The following ATXN1 variants were observed in gnomAD, a reference collection of about 807,000 sequenced individuals.
ATXN1 encodes the protein ataxin-1.
ATXN1 carries 8 observed loss-of-function variants against 56.4 expected under a neutral mutation model. The ratio of observed to expected loss-of-function variants is 0.14; its 90% CI spans 0.08 to 0.26. The LOEUF (loss-of-function observed/expected upper bound fraction) is 0.26. ATXN1 is among the 10% of genes least tolerant of loss of function. ATXN1 has a pLI of 1.00. For missense variants in ATXN1, 987 were observed against 1,106.5 expected (o/e 0.89, Z 1.53); for synonymous variants, 514 against 494.6 (o/e 1.04, Z -0.52).
chr6:16,617,938 C>T (rs774069770), intron 3 of ATXN1, among the ~76,000 whole-genome samples: 2 of 151,318 alleles, frequency 1.3e-5, no homozygotes, highest in African/African-American at 4.9e-5. Context: ...TGTCTAAGAT[C>T]GCACATCAAA....
At chr6:16,637,764 C>T (rs748104056) in intron 3 of ATXN1, among the ~76,000 whole-genome samples, 5 of 152,180 alleles carry the variant, frequency 3.3e-5, no homozygotes, top group East Asian at 1.9e-4. Flanking sequence ...ACTACAGCTA[C>T]GCCAGGCAAA....
chr6:16,549,005 G>A (rs1761866815), intron 4 of ATXN1, among the ~76,000 whole-genome samples: 1 of 152,082 alleles, frequency 6.6e-6, no homozygotes, highest in Admixed American at 6.6e-5. Context: ...ACAGGGTCAG[G>A]ATCATTCATA....
intron 2 of ATXN1, among the ~76,000 whole-genome samples, chr6:16,723,197 T>C (rs550063329): frequency 6.6e-6 from 1 of 151,788 alleles, no homozygotes; most frequent in African/African-American, 2.4e-5. Context: ...CTATTTACTT[T>C]TCAGTGGGAG....
chr6:16,662,410 G>A (rs1758338381), intron 2 of ATXN1, among the ~76,000 whole-genome samples: 1 of 151,984 alleles, frequency 6.6e-6, no homozygotes, highest in African/African-American at 2.4e-5. Context: ...TCAGCTCACT[G>A]CAACCTCTGC....
At chr6:16,535,823 C>T (rs551757963) in intron 4 of ATXN1, among the ~76,000 whole-genome samples, 2 of 152,298 alleles carry the variant, frequency 1.3e-5, no homozygotes, top group African/African-American at 4.8e-5. Flanking sequence ...TCAAGATCAA[C>T]AGCCCATGAT....
intron 4 of ATXN1, among the ~76,000 whole-genome samples, chr6:16,581,149 T>G (rs1278691637): frequency 6.6e-6 from 1 of 151,574 alleles, no homozygotes; most frequent in African/African-American, 2.4e-5. Context: ...CGGGGTGGGT[T>G]ACATACGGTG....
chr6:16,756,238 T>A (rs1760882924), intron 1 of ATXN1, among the ~76,000 whole-genome samples: 1 of 152,096 alleles, frequency 6.6e-6, no homozygotes, highest in Non-Finnish European at 1.5e-5. Flanking sequence ...TATATATTTT[T>A]AAAAATCTCA....
intron 2 of ATXN1, among the ~76,000 whole-genome samples, chr6:16,736,383 G>C (rs948901192): frequency 1.3e-5 from 2 of 152,090 alleles, no homozygotes; most frequent in African/African-American, 4.8e-5. Flanking sequence ...GGCATTAGTT[G>C]TTATCTAACA....
intron 4 of ATXN1, among the ~76,000 whole-genome samples, chr6:16,545,017 G>A (rs747646690): frequency 3.3e-5 from 5 of 152,202 alleles, no homozygotes; most frequent in African/African-American, 7.2e-5. Flanking sequence ...GTCCAGGTAT[G>A]TAGAGACAAA....
intron 4 of ATXN1, among the ~76,000 whole-genome samples, chr6:16,558,356 A>T (rs1762053263): frequency 6.6e-6 from 1 of 151,110 alleles, no homozygotes; most frequent in African/African-American, 2.4e-5. Flanking sequence ...TATGAATCAT[A>T]TCTCAATAAA....
intron 2 of ATXN1, among the ~76,000 whole-genome samples, chr6:16,699,225 C>G (rs1205541130): frequency 6.6e-6 from 1 of 152,182 alleles, no homozygotes; most frequent in Non-Finnish European, 1.5e-5. Flanking sequence ...AAAACAGCTC[C>G]AAAATTAAGC....
chr6:16,706,538 C>T (rs1008373986), intron 2 of ATXN1, among the ~76,000 whole-genome samples: 7 of 152,032 alleles, frequency 4.6e-5, no homozygotes, highest in African/African-American at 1.7e-4. Flanking sequence ...TCCTGACCAA[C>T]AAGGTGAAAC....
chr6:16,664,820 T>C (rs1758392905), intron 2 of ATXN1, among the ~76,000 whole-genome samples: 1 of 152,076 alleles, frequency 6.6e-6, no homozygotes, highest in African/African-American at 2.4e-5. Flanking sequence ...GAACTTTTCA[T>C]TAGGTAGATC....
At chr6:16,406,693 T>C (rs1349765765) in intron 6 of ATXN1, among the ~76,000 whole-genome samples, 1 of 152,258 alleles carries the variant, frequency 6.6e-6, no homozygotes, top group East Asian at 1.9e-4. Flanking sequence ...AAGCAAGCAT[T>C]AGGTCATAGC....
chr6:16,344,557 C>G (rs1761335889), intron 6 of ATXN1, among the ~76,000 whole-genome samples: 1 of 152,156 alleles, frequency 6.6e-6, no homozygotes, highest in African/African-American at 2.4e-5. Context: ...GCTTCCTGCC[C>G]TCGAACACCC....
intron 3 of ATXN1, among the ~76,000 whole-genome samples, chr6:16,632,938 A>G (rs1317675446): frequency 6.6e-6 from 1 of 151,870 alleles, no homozygotes; most frequent in South Asian, 2.1e-4. Context: ...TGGAGGTTGC[A>G]GTGAGCCAAG....
intron 6 of ATXN1, among the ~76,000 whole-genome samples, chr6:16,332,131 C>A (rs1761006342): frequency 6.6e-6 from 1 of 152,226 alleles, no homozygotes; most frequent in South Asian, 2.1e-4. Context: ...ACCCATCCTC[C>A]TCCTACATTT....
chr6:16,599,322 AT>A (rs1471978579), intron 3 of ATXN1, among the ~76,000 whole-genome samples: 1 of 152,068 alleles, frequency 6.6e-6, no homozygotes, highest in East Asian at 1.9e-4. Flanking sequence ...GCAAAAACAG[AT>A]TTGTGCACTG....
intron 2 of ATXN1, among the ~76,000 whole-genome samples, chr6:16,749,085 C>T (rs562562895): frequency 6.6e-6 from 1 of 152,184 alleles, no homozygotes; most frequent in Non-Finnish European, 1.5e-5. Context: ...TAGGTATATA[C>T]AGTATACACG....
Sources: gnomAD v4.1 joint callset for allele counts (sites outside exome capture counted in the v4.1 genomes callset) on GRCh38, gnomAD v4.1.1 for gene constraint, MANE v1.5 for transcripts, NCBI Gene and HGNC (gene_info 2026-07-23, HGNC 2026-07-21) for gene names.